CTNNA3: variants seen among roughly 807,000 people sequenced by gnomAD.
CTNNA3 encodes the protein catenin alpha-3.
A neutral mutation model predicts 95.7 loss-of-function variants in CTNNA3; 76 were observed. The observed-to-expected ratio is 0.79, with a 90% CI of 0.66 to 0.96. CTNNA3 has a LOEUF of 0.96. CTNNA3 is among the 40% of genes least tolerant of loss of function. The pLI is 0.00. For missense variants in CTNNA3, 1,191 were observed against 1,089.8 expected, an observed-to-expected ratio of 1.09 and a Z score of -1.31; for synonymous variants, 431 against 374.4, an observed-to-expected ratio of 1.15 and a Z score of -1.74.
chr10:66,812,601 A>G (rs1841924660), intron 7 of CTNNA3, among the ~76,000 whole-genome samples: 1 of 152,176 alleles, frequency 6.6e-6, no homozygotes, highest in African/African-American at 2.4e-5. Flanking sequence ...TGTAGTATCT[A>G]CTTCATAAGG....
At chr10:66,687,089 T>C (rs1847325092) in intron 9 of CTNNA3, among the ~76,000 whole-genome samples, 1 of 152,088 alleles carries the variant, frequency 6.6e-6, no homozygotes, top group Admixed American at 6.6e-5. Flanking sequence ...TGGTACAATG[T>C]AATGAATATA....
In CTNNA3 at chr10:67,671,492, A is replaced by T. The variant is rs186924197; in HGVS notation, c.-5-23974T>A. ...TCATTTAGCATTAGGTATATCTCCT[A>T]ATGCTATCCCTCCCCGCTCCCCCCA... On this transcript the variant is annotated intron_variant, in intron 1 of 17. Coordinates refer to ENST00000433211, the MANE Select transcript of CTNNA3 (RefSeq NM_013266.4). Among the ~76,000 whole-genome samples the T allele has an allele frequency of 5.8e-3, 871 of 149,096 alleles. 22 individuals carry two copies. In the East Asian group the frequency reaches 0.072, roughly 12 times the overall value.
intron 7 of CTNNA3, among the ~76,000 whole-genome samples, chr10:67,025,628 A>G (rs1308882654): frequency 6.6e-6 from 1 of 152,178 alleles, no homozygotes; most frequent in African/African-American, 2.4e-5. Context: ...ATATTTTTAA[A>G]ATCTATATAG....
At chr10:66,991,934 C>T (rs1044214363) in intron 7 of CTNNA3, among the ~76,000 whole-genome samples, 2 of 152,114 alleles carry the variant, frequency 1.3e-5, no homozygotes, top group Non-Finnish European at 2.9e-5. Flanking sequence ...TGGCCATTAA[C>T]CTTCATACCT....
rs773449797 is a variant in CTNNA3 at position 67,180,346 on chromosome 10, G to C, written c.1018C>G (p.Gln340Glu). 5.0e-6 allele frequency: 8 copies of C among 1,613,602 alleles called. No homozygotes were observed. The highest frequency in any genetic ancestry group is 2.5e-6 in the Non-Finnish European group (3 of 1,179,870). ...AECNAIRQAL[Q>E]DLLSEYMNNA... Reference sequence around the variant, plus strand: ...TTCATGTACTCTGAAAGCAGATCCTGAAGAGCCTGGCGAATGGCGTTGCAT... The same window carrying C: ...TTCATGTACTCTGAAAGCAGATCCTCAAGAGCCTGGCGAATGGCGTTGCAT... The change falls in exon 7 of 18, where the codon CAG becomes GAG. Residue 340 changes from glutamine to glutamate, a missense_variant. Gln to Glu is a conservative substitution (Grantham distance 29). Coordinates refer to ENST00000433211, the MANE Select transcript of CTNNA3 (RefSeq NM_013266.4).
intron 15 of CTNNA3, among the ~76,000 whole-genome samples, chr10:66,008,912 C>G (rs1212887575): frequency 3.9e-5 from 6 of 151,968 alleles, no homozygotes; most frequent in Non-Finnish European, 7.4e-5. Context: ...CCAGCCTGAC[C>G]AACATGGTGA....
intron 12 of CTNNA3, among the ~76,000 whole-genome samples, chr10:66,314,942 AAGTGAC>A (rs1306330152): frequency 6.6e-6 from 1 of 152,096 alleles, no homozygotes; most frequent in East Asian, 1.9e-4. Context: ...AATAGAAGGA[AAGTGAC>A]AGTTCTTAGA....
chr10:66,719,080 A>C (rs986378556), intron 9 of CTNNA3, among the ~76,000 whole-genome samples: 4 of 152,182 alleles, frequency 2.6e-5, no homozygotes, highest in Admixed American at 2.0e-4. Flanking sequence ...TATGCTGTGC[A>C]AAGATCTTTG....
intron 12 of CTNNA3, among the ~76,000 whole-genome samples, chr10:66,323,021 A>T (rs1034460944): frequency 6.6e-6 from 1 of 151,872 alleles, no homozygotes; most frequent in Non-Finnish European, 1.5e-5. Context: ...ATGAGCCCAG[A>T]CCTGAACAAA....
chr10:66,580,750 C>T (rs1480511241), intron 10 of CTNNA3, among the ~76,000 whole-genome samples: 1 of 151,698 alleles, frequency 6.6e-6, no homozygotes, highest in East Asian at 1.9e-4. Context: ...AAGAGGGTTG[C>T]CTCATTACTG....
At chr10:66,439,368 A>T (rs1183408023) in intron 11 of CTNNA3, among the ~76,000 whole-genome samples, 1 of 152,164 alleles carries the variant, frequency 6.6e-6, no homozygotes, top group African/African-American at 2.4e-5. Context: ...AACACACATT[A>T]AAAAAGCTGA....
At chr10:66,885,125 G>T (rs986548662) in intron 7 of CTNNA3, among the ~76,000 whole-genome samples, 9 of 152,110 alleles carry the variant, frequency 5.9e-5, no homozygotes, top group African/African-American at 2.2e-4. Flanking sequence ...CTGTATCAGA[G>T]AGAATCAAAA....
At chr10:67,538,704 ATAGAG>A (rs1224110903) in intron 4 of CTNNA3, among the ~76,000 whole-genome samples, 2 of 152,216 alleles carry the variant, frequency 1.3e-5, no homozygotes, top group Non-Finnish European at 2.9e-5. Flanking sequence ...TGCTTACTTA[ATAGAG>A]TAGTTATATT....
At chr10:66,626,813 A>AT (rs1183766626) in intron 9 of CTNNA3, among the ~76,000 whole-genome samples, 4 of 152,122 alleles carry the variant, frequency 2.6e-5, no homozygotes, top group African/African-American at 7.2e-5. Context: ...ATTCTGATAC[A>AT]TTAAGTGTGT....
intron 5 of CTNNA3, among the ~76,000 whole-genome samples, chr10:67,268,675 C>T (rs1866932803): frequency 6.6e-6 from 1 of 152,196 alleles, no homozygotes; most frequent in Non-Finnish European, 1.5e-5. Flanking sequence ...GCACAATGCA[C>T]ATCTCAGAGG....
At chr10:67,394,205 A>C (rs1279483066) in intron 5 of CTNNA3, among the ~76,000 whole-genome samples, 2 of 151,996 alleles carry the variant, frequency 1.3e-5, no homozygotes, top group East Asian at 1.9e-4. Context: ...TTCCCTAATC[A>C]TGTAAAATAA....
At chr10:66,399,439 C>T (rs1044420050) in intron 11 of CTNNA3, among the ~76,000 whole-genome samples, 1 of 151,930 alleles carries the variant, frequency 6.6e-6, no homozygotes, top group Non-Finnish European at 1.5e-5. Flanking sequence ...TAATACTTGA[C>T]TTTGACAGTC....
intron 7 of CTNNA3, among the ~76,000 whole-genome samples, chr10:67,171,703 G>A (rs1730218997): frequency 6.6e-6 from 1 of 152,012 alleles, no homozygotes; most frequent in East Asian, 1.9e-4. Flanking sequence ...AGTGAGCTGT[G>A]ATCACATCAC....
chr10:67,144,148 T>C (rs1860729753), intron 7 of CTNNA3, among the ~76,000 whole-genome samples: 1 of 152,200 alleles, frequency 6.6e-6, no homozygotes, highest in South Asian at 2.1e-4. Flanking sequence ...CAATGAGCAA[T>C]ATTTTGAAAG....
Sources: gnomAD v4.1 joint callset for allele counts (sites outside exome capture counted in the v4.1 genomes callset) on GRCh38, gnomAD v4.1.1 for gene constraint, MANE v1.5 for transcripts, NCBI Gene and HGNC (gene_info 2026-07-23, HGNC 2026-07-21) for gene names.